The following NTRK3 variants were observed in gnomAD, a reference collection of about 807,000 sequenced individuals.
NTRK3 encodes neurotrophic receptor tyrosine kinase 3, also known as NT-3 growth factor receptor.
Under a neutral mutation model 91.7 loss-of-function variants are expected in NTRK3, and 24 were observed. The ratio of observed to expected loss-of-function variants is 0.26; its 90% CI spans 0.19 to 0.37. The LOEUF (loss-of-function observed/expected upper bound fraction) is 0.37, where lower values mean the gene tolerates loss of function less well. NTRK3 is among the 10% of genes least tolerant of loss of function. The pLI is 1.00. For missense variants in NTRK3, 880 were observed against 1,068.9 expected, an observed-to-expected ratio of 0.82 and a Z score of 2.46; for synonymous variants, 483 against 404.0, an observed-to-expected ratio of 1.20 and a Z score of -2.34.
chr15:88,221,629 T>TA (rs942600070), intron 3 of NTRK3, among the ~76,000 whole-genome samples: 20 of 152,014 alleles, frequency 1.3e-4, no homozygotes, highest in African/African-American at 4.6e-4. Flanking sequence ...CATCTCTATT[T>TA]AAAAAAATAA....
At chr15:87,944,734 G>A (rs1032199147) in intron 14 of NTRK3, among the ~76,000 whole-genome samples, 9 of 152,182 alleles carry the variant, frequency 5.9e-5, no homozygotes, top group Non-Finnish European at 8.8e-5. Flanking sequence ...TCCCAAGGGC[G>A]AGGGCAGGAG....
At chr15:88,140,606 T>C (rs1010307465) in intron 6 of NTRK3, among the ~76,000 whole-genome samples, 1 of 152,212 alleles carries the variant, frequency 6.6e-6, no homozygotes, top group Non-Finnish European at 1.5e-5. Context: ...CTGAGAAAGA[T>C]GTAAAACTCC....
In NTRK3 at chr15:88,102,590, C is replaced by T. The variant is rs1050104597; in HGVS notation, c.1396+23681G>A. 5.3e-5 allele frequency among the ~76,000 whole-genome samples: 8 copies of T among 152,048 alleles called. No homozygotes were observed. The South Asian group carries it at 8.3e-4, about 16-fold the overall frequency. On this transcript the variant is annotated intron_variant, in intron 13 of 18. Coordinates refer to ENST00000394480, the Ensembl canonical transcript of NTRK3. ...ACCCTGATTTGATTATTACATATTA[C>T]GTGCTTGTATCAAAATTTCACATGT... is the stretch of plus-strand genomic sequence containing the variant.
At chr15:87,881,342 T>C (rs2065233112) in intron 17 of NTRK3, among the ~76,000 whole-genome samples, 1 of 152,150 alleles carries the variant, frequency 6.6e-6, no homozygotes, top group Non-Finnish European at 1.5e-5. Context: ...TACTTAATAT[T>C]GAAAAAAGAG....
At chr15:88,081,926 T>C (rs2048081237) in intron 13 of NTRK3, among the ~76,000 whole-genome samples, 1 of 152,114 alleles carries the variant, frequency 6.6e-6, no homozygotes. Context: ...CTGCTTTGCT[T>C]TTTCTTTCCA....
chr15:87,952,288 A>G (rs1567145761), intron 14 of NTRK3, among the ~76,000 whole-genome samples: 1 of 152,072 alleles, frequency 6.6e-6, no homozygotes, highest in Non-Finnish European at 1.5e-5. Flanking sequence ...AAGAAAGAAA[A>G]GAAAGACTCC....
intron 13 of NTRK3, among the ~76,000 whole-genome samples, chr15:88,086,156 C>G (rs937913689): frequency 2.6e-5 from 4 of 152,204 alleles, no homozygotes; most frequent in Non-Finnish European, 5.9e-5. Flanking sequence ...AGAAACCACA[C>G]CTTCCTACCT....
intron 13 of NTRK3, among the ~76,000 whole-genome samples, chr15:88,092,504 C>G (rs916667542): frequency 3.9e-5 from 6 of 152,218 alleles, no homozygotes; most frequent in African/African-American, 1.4e-4. Flanking sequence ...TGTTGACTCT[C>G]TCAGAAAAAT....
intron 13 of NTRK3, among the ~76,000 whole-genome samples, chr15:88,073,761 T>C (rs532088782): frequency 6.6e-6 from 1 of 151,112 alleles, no homozygotes; most frequent in African/African-American, 2.4e-5. Context: ...TGGGGGAGGG[T>C]CCAGAGTGCT....
chr15:88,086,578 G>C (rs1476145161), intron 13 of NTRK3, among the ~76,000 whole-genome samples: 4 of 152,050 alleles, frequency 2.6e-5, no homozygotes, highest in Non-Finnish European at 1.5e-5. Flanking sequence ...ATTCTGATTA[G>C]ACAGCACTGT....
exon 3 of NTRK3, chr15:88,256,011 G>C: frequency 1.9e-6 from 3 of 1,613,592 alleles, no homozygotes; most frequent in Non-Finnish European, 2.5e-6. Context: ...CCCATCGTCC[G>C]GCCGCCGGCA....
At chr15:88,123,943 G>A (rs909004618) in intron 13 of NTRK3, among the ~76,000 whole-genome samples, 1 of 152,110 alleles carries the variant, frequency 6.6e-6, no homozygotes, top group African/African-American at 2.4e-5. Context: ...AAGAAGGAGG[G>A]TTTAATGAGG....
intron 13 of NTRK3, among the ~76,000 whole-genome samples, chr15:88,053,221 G>T (rs1384017610): frequency 2.0e-5 from 3 of 152,216 alleles, no homozygotes; most frequent in Admixed American, 2.0e-4. Flanking sequence ...AGGTGCAGCA[G>T]GGTAAGGGGG....
intron 3 of NTRK3, among the ~76,000 whole-genome samples, chr15:88,221,369 T>C (rs541528908): frequency 1.2e-3 from 185 of 152,252 alleles, no homozygotes; most frequent in African/African-American, 3.9e-3. Context: ...TACAAATTCA[T>C]AAGAAAAAAA....
chr15:88,044,106 T>C (rs1034636808), intron 13 of NTRK3, among the ~76,000 whole-genome samples: 13 of 152,234 alleles, frequency 8.5e-5, no homozygotes, highest in Admixed American at 8.5e-4. Flanking sequence ...GGCACTGTAC[T>C]GGGCTCTGTG....
intron 14 of NTRK3, among the ~76,000 whole-genome samples, chr15:88,020,619 G>A (rs1421669605): frequency 1.3e-5 from 2 of 152,164 alleles, no homozygotes; most frequent in South Asian, 2.1e-4. Context: ...AGTTTACAGA[G>A]TATTTTCAAA....
At chr15:87,884,030 A>G (rs184155876) in intron 17 of NTRK3, among the ~76,000 whole-genome samples, 1 of 150,988 alleles carries the variant, frequency 6.6e-6, no homozygotes, top group Admixed American at 6.6e-5. Context: ...AAATGCAAGA[A>G]AAGTAAGAAG....
At chr15:88,046,655 G>A (rs1264892406) in intron 13 of NTRK3, among the ~76,000 whole-genome samples, 3 of 152,108 alleles carry the variant, frequency 2.0e-5, no homozygotes, top group South Asian at 2.1e-4. Flanking sequence ...GATCCTCTCC[G>A]TTTTCTCAGG....
rs967753491 is a variant in NTRK3 at position 88,240,555 on chromosome 15, G to T, written c.248+15351C>A. ...CCTGCTTACTGTGGAGGAGGCTGGG[G>T]CTGGCAGGAAATGGAAAGGGGTCTG... On this transcript the variant is annotated intron_variant, in intron 3 of 18. Transcript: ENST00000394480. The surrounding 1 kb of genome is among the most constrained non-coding windows in gnomAD (Gnocchi z 4.9). Among the ~76,000 whole-genome samples, 5 of 152,182 alleles carry T rather than the reference G, an allele frequency of 3.3e-5. No individual in the cohort carries two copies. The highest frequency in any genetic ancestry group is 7.3e-5 in the Non-Finnish European group (5 of 68,028).
Sources: gnomAD v4.1 joint callset for allele counts (sites outside exome capture counted in the v4.1 genomes callset) on GRCh38, gnomAD v4.1.1 for gene constraint, Gnocchi (gnomAD v3.1) non-coding constraint, MANE v1.5 for transcripts, NCBI Gene and HGNC (gene_info 2026-07-23, HGNC 2026-07-21) for gene names.